ZNF846: variants seen among roughly 807,000 people sequenced by gnomAD.
ZNF846 encodes the protein zinc finger protein 420 pseudogene.
Under a neutral mutation model 16.0 loss-of-function variants are expected in ZNF846, and 15 were observed. The observed-to-expected ratio is 0.94, with a 90% CI of 0.63 to 1.45. The LOEUF is 1.45. Ranked by LOEUF, ZNF846 falls within the 40% of genes most tolerant of loss-of-function variation. The pLI is 0.00. For synonymous variants in ZNF846, 229 were observed against 212.0 expected (o/e 1.08, Z -0.70); for missense variants, 714 against 622.3 (o/e 1.15, Z -1.57).
upstream of ZNF846, among the ~76,000 whole-genome samples, chr19:9,773,330 T>C (rs2045404864): frequency 1.3e-5 from 2 of 152,088 alleles, no homozygotes; most frequent in South Asian, 4.1e-4. Context: ...CCCAGTGCAA[T>C]GTCCCTTATT....
chr19:9,761,998 T>G, intron 4 of ZNF846, 84 bp downstream of exon 4: 1 of 1,206,632 alleles, frequency 8.3e-7, no homozygotes, highest in Non-Finnish European at 1.2e-6. Flanking sequence ...CCTGAGAAGT[T>G]CGCAAAGTAA....
At position 9,785,200 on chromosome 19, in the gene ZNF846, A is replaced by ATTT. The variant is rs36014913; in HGVS notation, c.-86+735_-86+737dup. Among the ~76,000 whole-genome samples the ATTT allele has an allele frequency of 8.5e-4, 97 of 114,640 alleles. 2 individuals carry two copies. The highest frequency in any genetic ancestry group is 1.2e-3 in the Non-Finnish European group (68 of 55,820). 75.2% of individuals were successfully genotyped at this position (114,640 alleles called of 152,430 possible). On this transcript the variant is annotated intron_variant, in intron 1 of 4. Transcript: ENST00000586814. ...CCACCCTGTCTCCCCCTTCACCGAG[A>ATTT]TTTTTTTTTTTTTTTTTTTTTGAGA... is the stretch of plus-strand genomic sequence containing the variant.
At chr19:9,757,667 T>C (rs1259208236) in exon 6 of ZNF846, 1 of 1,613,458 alleles carries the variant, frequency 6.2e-7, no homozygotes, top group Non-Finnish European at 8.5e-7. Flanking sequence ...CTGTGTGCGT[T>C]CGCATGTGCA....
downstream of ZNF846, among the ~76,000 whole-genome samples, chr19:9,750,374 C>A (rs572522466): frequency 6.6e-6 from 1 of 152,154 alleles, no homozygotes; most frequent in African/African-American, 2.4e-5. Flanking sequence ...CTTCCCTCTA[C>A]GCAGTTGCAC....
chr19:9,752,470 C>A, intron 5 of ZNF846: 2 of 418,858 alleles, frequency 4.8e-6, no homozygotes, highest in East Asian at 7.9e-5. Context: ...ACAAAATTAG[C>A]TGAGCTTGGT....
rs559562204 is a variant in ZNF846 at position 9,774,855 on chromosome 19, C to T, written c.-85-9820G>A. The T allele has an allele frequency of 8.9e-4, 1,428 of 1,609,668 alleles. 2 individuals are homozygous for T. The highest frequency in any genetic ancestry group is 1.2e-3 in the Non-Finnish European group (1,363 of 1,177,534). ...GTGAATGACCCCCAGCCCGAGCACC[C>T]GCTTCGGGCTGACCTAGCTGAAGAA... On this transcript the variant is annotated intron_variant, in intron 1 of 4. Transcript: ENST00000586814.
intron 1 of ZNF846, among the ~76,000 whole-genome samples, chr19:9,785,731 C>A (rs2045553734): frequency 1.8e-5 from 1 of 54,408 alleles, no homozygotes; most frequent in Non-Finnish European, 3.7e-5. Context: ...CCCCCATCTC[C>A]CTCTCACCGA....
chr19:9,754,948 C>A (rs977589291), downstream of ZNF846, among the ~76,000 whole-genome samples: 3 of 151,262 alleles, frequency 2.0e-5, no homozygotes, highest in Non-Finnish European at 4.4e-5. Context: ...TCACTGCAAC[C>A]TCCACCTCCC....
At chr19:9,757,728 C>A (rs10414485) in exon 6 of ZNF846, 2 of 1,613,248 alleles carry the variant, frequency 1.2e-6, no homozygotes, top group Non-Finnish European at 1.7e-6. Flanking sequence ...CTTACATTCA[C>A]AGGCCTTTTC....
At chr19:9,759,886 C>T (rs959088561) in exon 5 of ZNF846, 1 of 1,613,122 alleles carries the variant, frequency 6.2e-7, no homozygotes, top group South Asian at 1.1e-5. Context: ...GGTGATCTTT[C>T]TGCAGAAATA....
Position 9,757,650 on chromosome 19 carries a change from T to A in ZNF846, c.1427A>T (p.Lys476Met), listed in dbSNP as rs199584617. The A allele has an allele frequency of 1.2e-5, 20 of 1,613,464 alleles. No individual in the cohort carries two copies. In the East Asian group the frequency reaches 2.7e-4, roughly 22 times the overall value. Residue 476 changes from lysine (K) to methionine (M), a missense_variant, in exon 6 of 6, where the codon AAG (lysine) becomes ATG (methionine). Physicochemically the swap from Lys to Met is moderately conservative, Grantham distance 95. Transcript: ENST00000397902. ...CCCACATTCTTTACATGCATAAGGC[T>A]TTTCTCCTGTGTGCGTTCGCATGTG...
At chr19:9,778,420 C>A (rs988969051) in intron 1 of ZNF846, among the ~76,000 whole-genome samples, 4 of 152,192 alleles carry the variant, frequency 2.6e-5, no homozygotes, top group Non-Finnish European at 5.9e-5. Context: ...AACTGTCCCC[C>A]AGGAGTAAAA....
chr19:9,755,604 T>A (rs1411370235), downstream of ZNF846: 1 of 149,274 alleles, frequency 6.7e-6, no homozygotes, highest in African/African-American at 2.5e-5. Context: ...ATCGAGACCA[T>A]CCCGGCTAAA....
intron 1 of ZNF846, among the ~76,000 whole-genome samples, chr19:9,766,916 A>AAG (rs2045324585): frequency 6.6e-6 from 1 of 151,142 alleles, no homozygotes; most frequent in African/African-American, 2.4e-5. Context: ...AAAAAAAAAA[A>AAG]GTGTTCTCTT....
In ZNF846 at chr19:9,764,973, C is replaced by G. The variant is rs186010178; in HGVS notation, c.-23G>C. The stretch of plus-strand genomic sequence containing the variant: ...CATCAGTAATCCATCAGTAACCCAG[C>G]CACTAGCCTTGGCTTCTCGATGTTC... On this transcript the variant is annotated 5_prime_UTR_variant, in exon 2 of 6. Coordinates refer to ENST00000397902, the Ensembl canonical transcript of ZNF846. The G allele has an allele frequency of 1.8e-3, 2,900 of 1,614,050 alleles. 3 individuals are homozygous for G. The highest frequency in any genetic ancestry group is 2.1e-3 in the Non-Finnish European group (2,524 of 1,179,936).
At chr19:9,749,268 G>A (rs2045066088), downstream of ZNF846, among the ~76,000 whole-genome samples, 1 of 151,984 alleles carries the variant, frequency 6.6e-6, no homozygotes, top group Non-Finnish European at 1.5e-5. Flanking sequence ...TTGCAACAGG[G>A]CTTTATGAAG....
chr19:9,753,471 G>A (rs147999168), downstream of ZNF846, among the ~76,000 whole-genome samples: 1,102 of 149,766 alleles, frequency 7.4e-3, 61 homozygotes, highest in African/African-American at 0.026. Context: ...AGCCAGGATG[G>A]TCTCAATCTC....
exon 6 of ZNF846, chr19:9,757,671 A>T: frequency 6.2e-7 from 1 of 1,613,454 alleles, no homozygotes; most frequent in Non-Finnish European, 8.5e-7. Flanking sequence ...GTGCGTTCGC[A>T]TGTGCATATT....
At chr19:9,758,180 A>G (rs917328905) in exon 6 of ZNF846, 2 of 1,612,636 alleles carry the variant, frequency 1.2e-6, no homozygotes, top group Non-Finnish European at 1.7e-6. Flanking sequence ...TTCTTGTATG[A>G]TCAGTAAGGT....
Sources: gnomAD v4.1 joint callset for allele counts (sites outside exome capture counted in the v4.1 genomes callset) on GRCh38, gnomAD v4.1.1 for gene constraint, MANE v1.5 for transcripts, NCBI Gene and HGNC (gene_info 2026-07-23, HGNC 2026-07-21) for gene names.